The following VPS33A variants were observed in gnomAD, a reference collection of about 807,000 sequenced individuals.
VPS33A encodes the protein VPS33A core subunit of CORVET and HOPS complexes.
VPS33A carries 32 observed loss-of-function variants against 71.8 expected under a neutral mutation model. That is an observed-to-expected ratio of 0.45 (90% confidence interval 0.34 to 0.60). The LOEUF (loss-of-function observed/expected upper bound fraction) is 0.60. Ranked by LOEUF, VPS33A falls within the 20% of genes least tolerant of loss-of-function variation. The pLI is 0.02. For missense variants in VPS33A, 625 were observed against 748.5 expected, an observed-to-expected ratio of 0.84 and a Z score of 1.92; for synonymous variants, 311 against 292.7, an observed-to-expected ratio of 1.06 and a Z score of -0.64.
At chr12:122,265,692 T>C (rs1283593060) in intron 1 of VPS33A, 1 of 453,634 alleles carries the variant, frequency 2.2e-6, no homozygotes, top group Non-Finnish European at 4.4e-6. Context: ...TTTTCACAGT[T>C]GTACTGTCAG....
At chr12:122,237,555 G>C (rs1170380853) in intron 10 of VPS33A, among the ~76,000 whole-genome samples, 2 of 42,558 alleles carry the variant, frequency 4.7e-5, no homozygotes, top group East Asian at 1.1e-3. Flanking sequence ...TTTTTTTTTT[G>C]AGACGGAGTC....
Position 122,259,199 on chromosome 12 carries a change from A to G in VPS33A, c.483+2062T>C, listed in dbSNP as rs199711107. ...TGTGTATGTATGTGTGTATGTATGTATGTATGTATGTATGTATGTATGTAT... is the reference window on the plus strand; with the variant it reads ...TGTGTATGTATGTGTGTATGTATGTGTGTATGTATGTATGTATGTATGTAT... On this transcript the variant is annotated intron_variant, in intron 4 of 12. Coordinates refer to ENST00000267199, the MANE Select transcript of VPS33A (RefSeq NM_022916.6). Among the ~76,000 whole-genome samples the G allele has an allele frequency of 4.6e-4, 69 of 149,152 alleles. 1 individual carries two copies. The highest frequency in any genetic ancestry group is 1.6e-3 in the African/African-American group (65 of 40,742).
chr12:122,251,165 G>A (rs957016935), intron 4 of VPS33A, 66 bp from the exon 5 acceptor site: 15 of 1,070,410 alleles, frequency 1.4e-5, no homozygotes, highest in Non-Finnish European at 2.1e-5. Flanking sequence ...CTCTGTTCCT[G>A]GGGCTGGGGT....
chr12:122,244,193 C>A (rs1239233955), intron 7 of VPS33A, among the ~76,000 whole-genome samples: 1 of 152,166 alleles, frequency 6.6e-6, no homozygotes, highest in East Asian at 1.9e-4. Context: ...ACTGGCTAAA[C>A]TTGAGTTTTC....
At chr12:122,241,337 G>A (rs890189087) in intron 8 of VPS33A, among the ~76,000 whole-genome samples, 16 of 151,826 alleles carry the variant, frequency 1.1e-4, no homozygotes, top group Admixed American at 9.9e-4. Flanking sequence ...ATGGAGTCCT[G>A]CTCTGTCGCC....
Position 122,261,340 on chromosome 12 carries a change from A to C in VPS33A, c.404T>G (p.Ile135Ser). The C allele has an allele frequency of 6.2e-7, 1 of 1,614,120 alleles. No individual in the cohort carries two copies. The highest frequency in any genetic ancestry group is 8.5e-7 in the Non-Finnish European group (1 of 1,180,012). ...LKDLGVLGSF[I>S]HREEYSLDLI... The stretch of plus-strand genomic sequence containing the variant: ...ATCTAAGCTGTACTCCTCCCTGTGA[A>C]TAAAGGATCCCAAGACACCCAGATC... The change falls in exon 4 of 13, where the codon ATT becomes AGT. Residue 135 changes from isoleucine to serine, a missense_variant. Ile to Ser is a moderately radical substitution (Grantham distance 142). Transcript: ENST00000267199.
intron 3 of VPS33A, among the ~76,000 whole-genome samples, chr12:122,262,167 G>C (rs1368259799): frequency 6.6e-6 from 1 of 152,068 alleles, no homozygotes; most frequent in African/African-American, 2.4e-5. Flanking sequence ...CTCCAGCCTG[G>C]GCAACAGAGT....
intron 4 of VPS33A, among the ~76,000 whole-genome samples, chr12:122,254,823 G>A (rs981535050): frequency 2.6e-5 from 4 of 152,036 alleles, no homozygotes; most frequent in African/African-American, 9.7e-5. Context: ...AGGCTGAGGC[G>A]GTGGATCGCC....
chr12:122,242,289 C>T (rs1290131873), intron 8 of VPS33A, 93 bp downstream of exon 8: 10 of 1,487,736 alleles, frequency 6.7e-6, no homozygotes, highest in Non-Finnish European at 9.2e-6. Flanking sequence ...GCTGACTCTC[C>T]CGAAGAGGCA....
At chr12:122,252,078 T>C (rs1440484755) in intron 4 of VPS33A, among the ~76,000 whole-genome samples, 1 of 151,756 alleles carries the variant, frequency 6.6e-6, no homozygotes, top group East Asian at 1.9e-4. Flanking sequence ...GGCAACATAG[T>C]GAGACCCTGT....
Position 122,263,680 on chromosome 12 carries a change from AT to A in VPS33A, c.187del (p.Met63CysfsTer14). ...SLLKEHEVEK[M>X]FTLKGNRLPA... ...CAAACGATTTCCTTTAAGTGTGAACATTTTTTCCACTTCATGTTCCTAGGCA... is the reference window on the plus strand; with the variant it reads ...CAAACGATTTCCTTTAAGTGTGAACATTTTTCCACTTCATGTTCCTAGGCA... On this transcript the variant is annotated frameshift_variant, in exon 3 of 13. Coordinates refer to ENST00000267199, the MANE Select transcript of VPS33A (RefSeq NM_022916.6). LOFTEE classifies it high-confidence loss of function. 6.2e-7 allele frequency: 1 copy of A among 1,610,562 alleles called. No homozygotes were observed. The highest frequency in any genetic ancestry group is 8.5e-7 in the Non-Finnish European group (1 of 1,177,664).
Position 122,244,647 on chromosome 12 carries a change from A to G in VPS33A, c.891T>C (p.Ala297=), listed in dbSNP as rs752274306. ...LQLNSAEELY[A]EIRDKNFNAV... is the part of the protein sequence containing the mutation. The stretch of plus-strand genomic sequence containing the variant: ...CGTTGAAGTTCTTATCTCGGATCTC[A>G]GCATAGAGCTCCTCTGCAGAATTCA... The change falls in exon 7 of 13, where the codon GCT becomes GCC. Residue 297 remains alanine (A), a synonymous_variant. Transcript: ENST00000267199. 35 of 1,613,830 alleles carry G rather than the reference A, an allele frequency of 2.2e-5. No individual in the cohort carries two copies. The highest frequency in any genetic ancestry group is 3.0e-5 in the Non-Finnish European group (35 of 1,179,838).
chr12:122,261,293 G>T lies in VPS33A; in HGVS notation c.451C>A (p.Leu151Ile). Reference sequence around the variant, plus strand: ...GCACCCTCTGATTCCATGGATAAGAGATCCCCATCGAATGGAATGAGATCT... The same window carrying T: ...GCACCCTCTGATTCCATGGATAAGATATCCCCATCGAATGGAATGAGATCT... Reference protein sequence around the residue: ...SLDLIPFDGDLLSMESEGAFK... With the variant: ...SLDLIPFDGDILSMESEGAFK... Residue 151 changes from leucine (L) to isoleucine (I), a missense_variant, in exon 4 of 13, where the codon CTC becomes ATC. Coordinates refer to ENST00000267199, the MANE Select transcript of VPS33A (RefSeq NM_022916.6). 1.2e-6 allele frequency: 2 copies of T among 1,609,652 alleles called. No homozygotes were observed. Among genetic ancestry groups the T allele is most frequent in the Non-Finnish European group, 1.7e-6 (2 of 1,178,738 alleles).
chr12:122,233,874 G>T (rs914501944), intron 11 of VPS33A, among the ~76,000 whole-genome samples: 1 of 152,146 alleles, frequency 6.6e-6, no homozygotes, highest in African/African-American at 2.4e-5. Flanking sequence ...AGAAAGGTCA[G>T]AACAGTGAAG....
intron 4 of VPS33A, among the ~76,000 whole-genome samples, chr12:122,257,748 C>T (rs951531973): frequency 2.6e-5 from 4 of 151,922 alleles, no homozygotes. Flanking sequence ...TCTAAAAGAA[C>T]AAAAGTGATA....
At chr12:122,234,664 GCT>G (rs1189227611) in intron 11 of VPS33A, among the ~76,000 whole-genome samples, 2 of 152,180 alleles carry the variant, frequency 1.3e-5, no homozygotes, top group East Asian at 3.8e-4. Flanking sequence ...TCTCCGCAAT[GCT>G]CTGTGCCCGG....
At chr12:122,239,646 G>A (rs919254911) in intron 9 of VPS33A, among the ~76,000 whole-genome samples, 4 of 150,666 alleles carry the variant, frequency 2.7e-5, no homozygotes. Flanking sequence ...AGGCAGAATG[G>A]CGTCAACCCG....
intron 9 of VPS33A, among the ~76,000 whole-genome samples, chr12:122,239,478 G>C (rs926613125): frequency 1.3e-5 from 2 of 152,284 alleles, no homozygotes; most frequent in East Asian, 1.9e-4. Flanking sequence ...ACTCACGCCT[G>C]TAATCCCAAC....
chr12:122,264,280 A>T, intron 1 of VPS33A, 81 bp from the exon 2 acceptor site: 1 of 1,085,924 alleles, frequency 9.2e-7, no homozygotes, highest in Non-Finnish European at 1.3e-6. Flanking sequence ...GCCTAACAGG[A>T]GGAGTATTTG....
Sources: gnomAD v4.1 joint callset for allele counts (sites outside exome capture counted in the v4.1 genomes callset) on GRCh38, gnomAD v4.1.1 for gene constraint, MANE v1.5 for transcripts, NCBI Gene and HGNC (gene_info 2026-07-23, HGNC 2026-07-21) for gene names.